Variants in COX7A2 observed in about 807,000 individuals in gnomAD.
The protein encoded by COX7A2 is cytochrome c oxidase subunit 7A2, mitochondrial.
COX7A2 carries 11 observed loss-of-function variants against 11.6 expected under a neutral mutation model. That is an observed-to-expected ratio of 0.95 (90% confidence interval 0.60 to 1.57). COX7A2 has a LOEUF of 1.57. Among genes scored for constraint, COX7A2 ranks in the 40% most tolerant of loss-of-function variants. COX7A2 has a pLI of 0.00. For missense variants in COX7A2, 106 were observed against 100.9 expected (o/e 1.05, Z -0.22); for synonymous variants, 30 against 38.2 (o/e 0.78, Z 0.79).
intron 3 of COX7A2, among the ~76,000 whole-genome samples, chr6:75,239,689 A>G (rs1314369564): frequency 2.6e-5 from 4 of 152,234 alleles, no homozygotes; most frequent in Admixed American, 6.5e-5. Flanking sequence ...CCTTGCTGTA[A>G]GAGGTGGGAT....
intron 3 of COX7A2, among the ~76,000 whole-genome samples, chr6:75,239,985 C>T (rs1771441253): frequency 6.6e-6 from 1 of 152,062 alleles, no homozygotes; most frequent in Admixed American, 6.5e-5. Flanking sequence ...CCTGTAATCC[C>T]AGCTACTCGG....
chr6:75,237,951 T>C lies in COX7A2; in HGVS notation c.231A>G (p.Ser77=), dbSNP rs756466895. The C allele has an allele frequency of 1.2e-6, 2 of 1,606,768 alleles. No individual in the cohort carries two copies. Among genetic ancestry groups the C allele is most frequent in the Middle Eastern group, 1.7e-4 (1 of 6,048 alleles). ...AYAIYELAVA[S]FPKKQE is the part of the protein sequence containing the mutation. Reference sequence around the variant, plus strand: ...GAAGTCACTCCTGCTTCTTGGGAAATGAAGCCACAGCCAGCTCATATATGG... The same window carrying C: ...GAAGTCACTCCTGCTTCTTGGGAAACGAAGCCACAGCCAGCTCATATATGG... The change falls in exon 4 of 4, where the codon TCA becomes TCG. Residue 77 remains serine, a synonymous_variant. Transcript: ENST00000684430.
At chr6:75,244,955 T>G (rs574618232), upstream of COX7A2, among the ~76,000 whole-genome samples, 209 of 152,266 alleles carry the variant, frequency 1.4e-3, 1 homozygote, top group Middle Eastern at 3.4e-3. Context: ...TGGGCAAAAT[T>G]ACCACGTGCC....
upstream of COX7A2, chr6:75,243,993 C>G (rs1471650595): frequency 1.7e-6 from 1 of 593,694 alleles, no homozygotes; most frequent in Non-Finnish European, 3.0e-6. Context: ...GTAGGCTGGT[C>G]CCTGGAGCTA....
intron 2 of COX7A2, 54 bp downstream of exon 2, chr6:75,241,122 C>A: frequency 6.4e-7 from 1 of 1,559,672 alleles, no homozygotes; most frequent in Non-Finnish European, 8.8e-7. Context: ...CCAACTCTTA[C>A]CTTTTGGTAA....
chr6:75,245,026 A>G (rs943436299), upstream of COX7A2, among the ~76,000 whole-genome samples: 2 of 152,196 alleles, frequency 1.3e-5, no homozygotes, highest in Non-Finnish European at 2.9e-5. Context: ...TGTTAGTTGT[A>G]TGTGCTCTCT....
intron 1 of COX7A2, among the ~76,000 whole-genome samples, chr6:75,243,398 T>G (rs1207171443): frequency 6.6e-6 from 1 of 152,178 alleles, no homozygotes; most frequent in East Asian, 1.9e-4. Flanking sequence ...TGGGTCTTGG[T>G]TTTACTCAGA....
In COX7A2 at chr6:75,240,439, A is replaced by G. The variant is rs1439010923; in HGVS notation, c.109-54T>C. 6 of 1,291,824 alleles carry G rather than the reference A, an allele frequency of 4.6e-6. No homozygotes were observed. The East Asian group carries it at 1.2e-4, about 26-fold the overall frequency. 80.0% of individuals were successfully genotyped at this position (1,291,824 alleles called of 1,614,324 possible). A position where few individuals can be genotyped will look rare whatever the true frequency, so the allele number is the denominator to read the frequency against. ...ATAATAAATGTCTCACTCATTTCCA[A>G]CTAAGTTTCAAAAGAACAGGCATAT... On this transcript the variant is annotated intron_variant, in intron 2 of 3. Transcript: ENST00000684430.
At chr6:75,240,153 C>A (rs1771447562) in intron 3 of COX7A2, 148 bp downstream of exon 3, 1 of 659,592 alleles carries the variant, frequency 1.5e-6, no homozygotes, top group Non-Finnish European at 2.6e-6. Flanking sequence ...ATCAGTCACC[C>A]TCTTGAATCA....
Position 75,240,356 on chromosome 6 carries a change from CT to C in COX7A2, c.137del (p.Lys46ArgfsTer4), listed in dbSNP as rs1429947382. On this transcript the variant is annotated frameshift_variant, in exon 3 of 4. Transcript: ENST00000684430. LOFTEE classifies it high-confidence loss of function. ...ACAGGAGGGCATCAGCTACCCCACC[CT>C]TTAGATACAGTGGAATTTCATCATC... ...QEDDEIPLYL[K>X]GGVADALLYR... The C allele has an allele frequency of 3.1e-6, 5 of 1,594,028 alleles. No individual in the cohort carries two copies. The highest frequency in any genetic ancestry group is 4.3e-6 in the Non-Finnish European group (5 of 1,171,236).
upstream of COX7A2, among the ~76,000 whole-genome samples, chr6:75,244,583 C>G (rs1296689294): frequency 6.6e-6 from 1 of 152,166 alleles, no homozygotes; most frequent in Non-Finnish European, 1.5e-5. Context: ...ATCCCCATTA[C>G]AAGTGTTTAT....
upstream of COX7A2, among the ~76,000 whole-genome samples, chr6:75,246,432 G>A (rs1345098346): frequency 6.6e-6 from 1 of 152,114 alleles, no homozygotes; most frequent in Non-Finnish European, 1.5e-5. Flanking sequence ...TACTACTACT[G>A]TTGGCCAAGC....
rs1276868959 is a variant in COX7A2 at position 75,240,237 on chromosome 6, T to C, written c.193+64A>G. On this transcript the variant is annotated intron_variant, in intron 3 of 3. Transcript: ENST00000684430. ...TAAAATACTGGCATAGCAAAAGCAA[T>C]AAAGTTATCAGTTATCATTACTATT... 4 of 1,232,364 alleles carry C rather than the reference T, an allele frequency of 3.2e-6. No individual in the cohort carries two copies. In the East Asian group the frequency reaches 9.3e-5, roughly 29 times the overall value. The allele number at this position is 1,232,364 out of a possible 1,614,324, so 76.3% of individuals were successfully genotyped here.
chr6:75,248,007 T>C (rs1195633671), upstream of COX7A2, among the ~76,000 whole-genome samples: 2 of 152,074 alleles, frequency 1.3e-5, no homozygotes, highest in East Asian at 3.8e-4. Context: ...TAAGACACAT[T>C]TTATAACCTG....
rs1180260391 is a variant in COX7A2 at position 75,239,468 on chromosome 6, C to T, written c.193+833G>A. ...CTTTAAAATGAGGACATATTATAGA[C>T]TTCATGCAAGACTCACAGAAATCCA... is the stretch of plus-strand genomic sequence containing the variant. On this transcript the variant is annotated intron_variant, in intron 3 of 3. Transcript: ENST00000684430. 2.0e-5 allele frequency among the ~76,000 whole-genome samples: 3 copies of T among 152,212 alleles called. No individual in the cohort carries two copies. The South Asian group carries it at 6.2e-4, about 31-fold the overall frequency.
chr6:75,243,796 G>A lies in COX7A2; in HGVS notation c.-62C>T, dbSNP rs1189371377. On this transcript the variant is annotated 5_prime_UTR_variant, in exon 1 of 4. Transcript: ENST00000684430. The stretch of plus-strand genomic sequence containing the variant: ...CACCACCAACGAAAATGGCCACGCC[G>A]GAACCGGAACTACCTCCGAGTCTTG... 6.2e-6 allele frequency: 10 copies of A among 1,613,950 alleles called. No individual in the cohort carries two copies. The highest frequency in any genetic ancestry group is 8.5e-6 in the Non-Finnish European group (10 of 1,179,978).
intron 1 of COX7A2, among the ~76,000 whole-genome samples, chr6:75,242,576 C>T (rs1372204645): frequency 3.7e-5 from 5 of 136,220 alleles, no homozygotes; most frequent in Non-Finnish European, 7.7e-5. Flanking sequence ...AATCCCAGCG[C>T]TTTGGGAGGC....
chr6:75,249,902 CAAG>C (rs886147449), intron 1 of COX7A2, among the ~76,000 whole-genome samples: 8 of 152,082 alleles, frequency 5.3e-5, no homozygotes, highest in African/African-American at 1.9e-4. Flanking sequence ...CATAGTAATC[CAAG>C]GAGGAAGAAA....
upstream of COX7A2, among the ~76,000 whole-genome samples, chr6:75,245,218 G>A (rs972730123): frequency 1.3e-5 from 2 of 152,186 alleles, no homozygotes; most frequent in Admixed American, 1.3e-4. Context: ...GAGGCCAGGC[G>A]CAGTGGCTCA....
Sources: allele counts gnomAD v4.1 joint callset (sites outside exome capture counted in the v4.1 genomes callset), GRCh38; gene constraint gnomAD v4.1.1; transcripts MANE v1.5; gene names NCBI Gene and HGNC (gene_info 2026-07-23, HGNC 2026-07-21).